CYRIB: variants seen among roughly 807,000 people sequenced by gnomAD.
CYRIB encodes CYFIP related Rac1 interactor B, also known as CYFIP-related Rac1 interactor B.
CYRIB carries 8 observed loss-of-function variants against 44.2 expected under a neutral mutation model. The ratio of observed to expected loss-of-function variants is 0.18; its 90% CI spans 0.11 to 0.33. CYRIB has a LOEUF of 0.33. Among genes scored for constraint, CYRIB ranks in the 10% least tolerant of loss-of-function variants. The probability of loss-of-function intolerance (pLI) is 1.00; values close to 1 mark genes in which losing one functional copy is unlikely to be tolerated. For synonymous variants in CYRIB, 131 were observed against 127.2 expected (o/e 1.03, Z -0.20); for missense variants, 185 against 382.8 (o/e 0.48, Z 4.31).
intron 2 of CYRIB, among the ~76,000 whole-genome samples, chr8:129,957,661 T>C (rs1205653352): frequency 6.6e-6 from 1 of 151,844 alleles, no homozygotes; most frequent in Non-Finnish European, 1.5e-5. Flanking sequence ...TGAAACCCCA[T>C]CTCTACTAAA....
At chr8:129,946,857 C>A (rs1161667220) in intron 2 of CYRIB, among the ~76,000 whole-genome samples, 2 of 152,202 alleles carry the variant, frequency 1.3e-5, no homozygotes, top group African/African-American at 4.8e-5. Flanking sequence ...CTGTTCCCTT[C>A]TGTACCTCAA....
At chr8:129,905,510 T>A (rs2074844924) in intron 1 of CYRIB, among the ~76,000 whole-genome samples, 1 of 152,224 alleles carries the variant, frequency 6.6e-6, no homozygotes, top group African/African-American at 2.4e-5. Flanking sequence ...CACTTTTCTC[T>A]ATGAGTTAGT....
intron 2 of CYRIB, among the ~76,000 whole-genome samples, chr8:129,881,952 GTTC>G (rs144935494): frequency 0.015 from 2,327 of 152,162 alleles, 49 homozygotes; most frequent in African/African-American, 0.049. Context: ...GGTTACTAAA[GTTC>G]TTCAATAGAT....
At chr8:129,977,799 TG>T (rs998170186) in intron 1 of CYRIB, among the ~76,000 whole-genome samples, 52 of 152,344 alleles carry the variant, frequency 3.4e-4, no homozygotes, top group Non-Finnish European at 5.6e-4. Context: ...CCCAAAGTGC[TG>T]GGATTACAGG....
rs530060414 is a variant in CYRIB, at chr8:129,947,831, A to G, written c.-243+23112T>C. 3.2e-4 allele frequency: 49 copies of G among 152,296 alleles called. No individual in the cohort carries two copies. In the East Asian group the frequency reaches 8.9e-3, roughly 28 times the overall value. 9.4% of individuals were successfully genotyped at this position (152,296 alleles called of 1,614,324 possible). On this transcript the variant is annotated intron_variant, in intron 2 of 14. Coordinates refer to the CYRIB transcript ENST00000401979. ...TGTCTTTCCACCTCACAGTTTATCA[A>G]CCTTTCTTAATAAAGGAACGTCAGC... is the stretch of plus-strand genomic sequence containing the variant.
At chr8:129,859,413 A>T (rs2048060710) in intron 5 of CYRIB, among the ~76,000 whole-genome samples, 1 of 151,336 alleles carries the variant, frequency 6.6e-6, no homozygotes, top group Non-Finnish European at 1.5e-5. Flanking sequence ...GGTGGGCCTG[A>T]CTAATGTCAG....
intron 1 of CYRIB, among the ~76,000 whole-genome samples, chr8:130,002,454 AAAG>A (rs1279770449): frequency 9.2e-5 from 14 of 152,168 alleles, no homozygotes; most frequent in African/African-American, 3.4e-4. Context: ...GAAGAGAAGA[AAAG>A]AAGAGGAGAC....
intron 1 of CYRIB, among the ~76,000 whole-genome samples, chr8:130,014,602 G>A (rs1280933566): frequency 6.6e-6 from 1 of 152,212 alleles, no homozygotes; most frequent in Non-Finnish European, 1.5e-5. Context: ...TGGGAGCTGA[G>A]AAAGGAGAAG....
intron 11 of CYRIB, 35 bp downstream of exon 13, chr8:129,846,769 T>A: frequency 6.9e-7 from 1 of 1,452,740 alleles, no homozygotes; most frequent in Non-Finnish European, 9.4e-7. Context: ...CCTTACAGAT[T>A]TTTTCTGTAC....
At chr8:129,919,176 G>T (rs751755049) in intron 1 of CYRIB, among the ~76,000 whole-genome samples, 1 of 152,142 alleles carries the variant, frequency 6.6e-6, no homozygotes, top group Non-Finnish European at 1.5e-5. Context: ...CCTACAGATA[G>T]ATATAGTTTT....
At chr8:129,913,634 T>G (rs1227642165) in intron 1 of CYRIB, among the ~76,000 whole-genome samples, 1 of 152,226 alleles carries the variant, frequency 6.6e-6, no homozygotes, top group Non-Finnish European at 1.5e-5. Flanking sequence ...CATGGACCAG[T>G]GCTGGTTTGC....
chr8:129,842,396 A>G (rs1311561860), intron 11 of CYRIB, among the ~76,000 whole-genome samples, 191 bp from the exon 14 acceptor site: 1 of 152,158 alleles, frequency 6.6e-6, no homozygotes, highest in Non-Finnish European at 1.5e-5. Context: ...CTGAATAGCC[A>G]GTAGCTATTT....
chr8:129,919,162 C>T (rs891092342), intron 1 of CYRIB, among the ~76,000 whole-genome samples: 1 of 152,070 alleles, frequency 6.6e-6, no homozygotes, highest in Non-Finnish European at 1.5e-5. Flanking sequence ...CCGTGCCCAC[C>T]CAGCCTACAG....
intron 1 of CYRIB, among the ~76,000 whole-genome samples, chr8:129,922,655 A>T (rs887481811): frequency 6.7e-6 from 1 of 149,998 alleles, no homozygotes. Context: ...CGAGGTCAGG[A>T]GATCGAGACC....
chr8:129,941,762 A>G (rs2093723938), upstream of CYRIB, among the ~76,000 whole-genome samples: 1 of 152,174 alleles, frequency 6.6e-6, no homozygotes, highest in African/African-American at 2.4e-5. Context: ...GCTCTGAGTA[A>G]CCACACACCT....
intron 1 of CYRIB, among the ~76,000 whole-genome samples, chr8:129,993,323 G>A (rs1222311795): frequency 6.7e-6 from 1 of 149,986 alleles, no homozygotes; most frequent in Non-Finnish European, 1.5e-5. Context: ...AACCCAGGAG[G>A]CAGAGGTTGC....
chr8:129,958,202 TG>T (rs2094987716), intron 2 of CYRIB, among the ~76,000 whole-genome samples: 2 of 152,008 alleles, frequency 1.3e-5, no homozygotes, highest in South Asian at 4.2e-4. Flanking sequence ...TTGTATCTGC[TG>T]GGGTGGAATG....
intron 2 of CYRIB, among the ~76,000 whole-genome samples, chr8:129,962,639 T>C (rs1464077592): frequency 1.3e-5 from 2 of 152,106 alleles, no homozygotes; most frequent in African/African-American, 4.8e-5. Context: ...GCTAATTTAA[T>C]GGTATCCTTA....
chr8:129,879,660 G>C (rs148102845), intron 2 of CYRIB, 189 bp from the exon 5 acceptor site: 1 of 530,178 alleles, frequency 1.9e-6, no homozygotes, highest in East Asian at 3.2e-5. Context: ...GGACCTAGAG[G>C]TGAAATGTGG....
Sources: gnomAD v4.1 joint callset for allele counts (sites outside exome capture counted in the v4.1 genomes callset) on GRCh38, gnomAD v4.1.1 for gene constraint, MANE v1.5 for transcripts, NCBI Gene and HGNC (gene_info 2026-07-23, HGNC 2026-07-21) for gene names.